The following ENTREP1 variants were observed in gnomAD, a reference collection of about 807,000 sequenced individuals.
ENTREP1 encodes Friedreich ataxia region gene X123.
chr9:69,377,116 G>A, the ENTREP1 span, among the ~76,000 whole-genome samples: 2 of 152,168 alleles, frequency 1.3e-5, no homozygotes, highest in Admixed American at 1.3e-4. Context: ...ATACCACGTT[G>A]TTCTGTGACA....
chr9:69,343,770 A>T, the ENTREP1 span, among the ~76,000 whole-genome samples: 153 of 152,354 alleles, frequency 1.0e-3, 2 homozygotes, highest in Non-Finnish European at 1.7e-3. Flanking sequence ...TCATTTTCAT[A>T]TTCACTCTGC....
the ENTREP1 span, among the ~76,000 whole-genome samples, chr9:69,356,208 G>A: frequency 1.3e-5 from 2 of 152,162 alleles, no homozygotes; most frequent in African/African-American, 4.8e-5. Context: ...TCTAGGTATC[G>A]CATATAAGTA....
the ENTREP1 span, among the ~76,000 whole-genome samples, chr9:69,335,692 G>A: frequency 1.3e-5 from 2 of 152,230 alleles, no homozygotes; most frequent in Admixed American, 6.5e-5. Flanking sequence ...TGATGAGGCT[G>A]ACCCTGGCAA....
the ENTREP1 span, among the ~76,000 whole-genome samples, chr9:69,372,578 A>G: frequency 3.9e-5 from 6 of 152,032 alleles, no homozygotes; most frequent in Admixed American, 3.9e-4. Flanking sequence ...TTGTTTCTCC[A>G]TTTATCTGTG....
At chr9:69,373,155 G>A in the ENTREP1 span, among the ~76,000 whole-genome samples, 7 of 152,106 alleles carry the variant, frequency 4.6e-5, no homozygotes, top group Non-Finnish European at 8.8e-5. Context: ...GGCAAGCCAT[G>A]AAAAGTATAA....
chr9:69,390,430 C>G, the ENTREP1 span, among the ~76,000 whole-genome samples: 1 of 152,060 alleles, frequency 6.6e-6, no homozygotes, highest in African/African-American at 2.4e-5. Flanking sequence ...CTCTTCAATC[C>G]CAGTTGGATG....
At chr9:69,332,447 A>G in the ENTREP1 span, among the ~76,000 whole-genome samples, 2 of 152,226 alleles carry the variant, frequency 1.3e-5, no homozygotes, top group Non-Finnish European at 2.9e-5. Context: ...CAATCCATAG[A>G]CTTGGTATAT....
At chr9:69,340,923 T>C in the ENTREP1 span, among the ~76,000 whole-genome samples, 2 of 152,230 alleles carry the variant, frequency 1.3e-5, no homozygotes, top group Admixed American at 1.3e-4. Flanking sequence ...TCTTTCATTC[T>C]AAGAAAATGT....
chr9:69,371,599 G>T, the ENTREP1 span: 2 of 1,608,382 alleles, frequency 1.2e-6, no homozygotes, highest in South Asian at 2.2e-5. Context: ...AGCGTGCCCA[G>T]GTGTGATCTG....
chr9:69,359,774 G>T, the ENTREP1 span, among the ~76,000 whole-genome samples: 2 of 152,188 alleles, frequency 1.3e-5, no homozygotes, highest in Non-Finnish European at 2.9e-5. Flanking sequence ...GCTAGATGGG[G>T]ATGACAACTT....
At chr9:69,390,985 T>A in the ENTREP1 span, among the ~76,000 whole-genome samples, 1 of 151,520 alleles carries the variant, frequency 6.6e-6, no homozygotes, top group Non-Finnish European at 1.5e-5. Context: ...AGTCTCACTA[T>A]GTTACTCAGG....
At chr9:69,341,893 G>A in the ENTREP1 span, among the ~76,000 whole-genome samples, 2 of 151,910 alleles carry the variant, frequency 1.3e-5, no homozygotes, top group Admixed American at 6.6e-5. Flanking sequence ...TGACCTTGGG[G>A]AAATCTCTTG....
At chr9:69,388,039 G>A in the ENTREP1 span, 1,863 of 1,585,980 alleles carry the variant, frequency 1.2e-3, 42 homozygotes, top group South Asian at 0.02. Context: ...GGATGTGCAT[G>A]GCTATCAGCA....
At chr9:69,330,288 CA>C in the ENTREP1 span, among the ~76,000 whole-genome samples, 12 of 152,174 alleles carry the variant, frequency 7.9e-5, no homozygotes, top group African/African-American at 1.2e-4. Flanking sequence ...CCTTCAGAAA[CA>C]AAATTCCTAC....
At chr9:69,378,842 A>G in the ENTREP1 span, among the ~76,000 whole-genome samples, 3 of 152,176 alleles carry the variant, frequency 2.0e-5, no homozygotes, top group Admixed American at 2.0e-4. Flanking sequence ...ATTCAAAATG[A>G]GCTAGACCTG....
the ENTREP1 span, among the ~76,000 whole-genome samples, chr9:69,364,612 C>T: frequency 6.6e-6 from 1 of 152,062 alleles, no homozygotes; most frequent in African/African-American, 2.4e-5. Context: ...GGCATCCATT[C>T]TGAAGGTCCC....
the ENTREP1 span, among the ~76,000 whole-genome samples, chr9:69,369,158 A>C: frequency 6.6e-6 from 1 of 151,996 alleles, no homozygotes; most frequent in Non-Finnish European, 1.5e-5. Flanking sequence ...AAGGACATGA[A>C]CTCATTCTTT....
chr9:69,324,669 C>T, the ENTREP1 span: 1 of 984,926 alleles, frequency 1.0e-6, no homozygotes, highest in Non-Finnish European at 1.2e-6. Flanking sequence ...TAACTGCGCT[C>T]GGCGTCGTCC....
chr9:69,325,055 G>T, the ENTREP1 span: 1 of 985,410 alleles, frequency 1.0e-6, no homozygotes, highest in Non-Finnish European at 1.2e-6. Flanking sequence ...CGGAGTGCGC[G>T]TGGGTGAGAG....
Sources: allele counts gnomAD v4.1 joint callset (sites outside exome capture counted in the v4.1 genomes callset), GRCh38; gene constraint gnomAD v4.1.1; transcripts MANE v1.5; gene names NCBI Gene and HGNC (gene_info 2026-07-23, HGNC 2026-07-21).